The following SCN11A variants were observed in gnomAD, a reference collection of about 807,000 sequenced individuals.
SCN11A encodes sodium voltage-gated channel alpha subunit 11, also known as sodium channel protein type 11 subunit alpha.
Under a neutral mutation model 162.2 loss-of-function variants are expected in SCN11A, and 122 were observed. That is an observed-to-expected ratio of 0.75 (90% confidence interval 0.65 to 0.87). SCN11A has a LOEUF of 0.87. SCN11A is among the 40% of genes least tolerant of loss of function. SCN11A has a pLI of 0.00. For missense variants in SCN11A, 2,015 were observed against 2,181.6 expected (o/e 0.92, Z 1.52); for synonymous variants, 758 against 751.5 (o/e 1.01, Z -0.14).
At chr3:38,932,361 C>G (rs1006688779) in intron 7 of SCN11A, among the ~76,000 whole-genome samples, 3 of 152,180 alleles carry the variant, frequency 2.0e-5, no homozygotes, top group Non-Finnish European at 2.9e-5. Flanking sequence ...GAGTGCCAGA[C>G]AGTGGATGCA....
At chr3:38,978,263 AACTT>A (rs1453187516) in intron 2 of SCN11A, among the ~76,000 whole-genome samples, 2 of 152,174 alleles carry the variant, frequency 1.3e-5, no homozygotes, top group Admixed American at 6.5e-5. Context: ...TATAACTATT[AACTT>A]ACTATTTTTA....
chr3:38,887,210 C>T (rs1299041191), intron 19 of SCN11A, among the ~76,000 whole-genome samples: 4 of 152,088 alleles, frequency 2.6e-5, no homozygotes, highest in Admixed American at 6.5e-5. Context: ...AACAAGATTA[C>T]TTCAAGAACA....
intron 2 of SCN11A, among the ~76,000 whole-genome samples, chr3:39,027,757 T>C (rs2031627365): frequency 6.6e-6 from 1 of 152,224 alleles, no homozygotes; most frequent in Non-Finnish European, 1.5e-5. Context: ...CCTTAGCTGG[T>C]GGCTTCTCTG....
At chr3:38,916,996 T>C (rs1007174937) in intron 11 of SCN11A, among the ~76,000 whole-genome samples, 1 of 152,194 alleles carries the variant, frequency 6.6e-6, no homozygotes, top group Non-Finnish European at 1.5e-5. Flanking sequence ...CTCTGGAGCA[T>C]TCATATTGTA....
chr3:38,906,109 G>A (rs1399374266), intron 14 of SCN11A, among the ~76,000 whole-genome samples: 1 of 152,082 alleles, frequency 6.6e-6, no homozygotes, highest in Non-Finnish European at 1.5e-5. Flanking sequence ...AGCAGTGGAT[G>A]GGATCCTTCT....
chr3:39,046,753 C>T (rs73064293), intron 1 of SCN11A, among the ~76,000 whole-genome samples: 15,789 of 152,156 alleles, frequency 0.1, 1,038 homozygotes, highest in East Asian at 0.22. Context: ...CAGGGTCTTG[C>T]TCTGTCACCC....
intron 11 of SCN11A, among the ~76,000 whole-genome samples, chr3:38,913,456 T>G (rs1464670439): frequency 6.6e-6 from 1 of 152,048 alleles, no homozygotes; most frequent in African/African-American, 2.4e-5. Context: ...AGTTTTTTGG[T>G]TTTTGTTTGT....
chr3:38,874,467 G>A (rs781719112), intron 23 of SCN11A, among the ~76,000 whole-genome samples: 3 of 152,070 alleles, frequency 2.0e-5, no homozygotes, highest in Non-Finnish European at 2.9e-5. Context: ...GCATGGTGGT[G>A]GGCGCCTGTA....
At chr3:38,940,711 T>G (rs948587929) in intron 7 of SCN11A, among the ~76,000 whole-genome samples, 1 of 152,116 alleles carries the variant, frequency 6.6e-6, no homozygotes, top group Non-Finnish European at 1.5e-5. Context: ...ATAAAAGCAC[T>G]GTAAGAAAAT....
At position 38,894,569 on chromosome 3, in the gene SCN11A, A is replaced by G. The variant is rs1452844123; in HGVS notation, c.2799T>C (p.Asn933=). ...GCTCAGGTTGTGTGATGCGCTGTGC[A>G]TTATCTTCACCAGAAAATTCAACGT... is the stretch of plus-strand genomic sequence containing the variant. The part of the protein sequence containing the change: ...EDDVEFSGED[N]AQRITQPEPE... The change falls in exon 19 of 30, where the codon AAT becomes AAC. Residue 933 remains asparagine, a synonymous_variant. Transcript: ENST00000302328. The G allele has an allele frequency of 1.2e-6, 2 of 1,613,384 alleles. No homozygotes were observed. The highest frequency in any genetic ancestry group is 2.2e-5 in the East Asian group (1 of 44,884).
intron 4 of SCN11A, among the ~76,000 whole-genome samples, chr3:38,952,741 G>A (rs1259130173): frequency 1.3e-5 from 2 of 152,228 alleles, no homozygotes; most frequent in East Asian, 3.8e-4. Flanking sequence ...AGACCTGAAG[G>A]AGATGTAAGA....
intron 11 of SCN11A, among the ~76,000 whole-genome samples, chr3:38,912,369 T>C (rs1331419440): frequency 6.6e-6 from 1 of 152,122 alleles, no homozygotes; most frequent in East Asian, 1.9e-4. Flanking sequence ...CTGTAACAGT[T>C]TTCTCTCCTT....
At chr3:39,013,415 A>C (rs1191662951) in intron 2 of SCN11A, among the ~76,000 whole-genome samples, 1 of 151,872 alleles carries the variant, frequency 6.6e-6, no homozygotes, top group East Asian at 1.9e-4. Flanking sequence ...AAAAAGAGGA[A>C]GAAATTCTCT....
intron 2 of SCN11A, among the ~76,000 whole-genome samples, chr3:39,001,710 AAAACAAAC>A (rs149361919): frequency 2.3e-4 from 35 of 151,374 alleles, no homozygotes; most frequent in South Asian, 4.2e-4. Flanking sequence ...GCATTTGTTT[AAAACAAAC>A]AAACAAACAA....
chr3:38,933,817 A>G (rs2066283339), intron 7 of SCN11A, among the ~76,000 whole-genome samples: 1 of 152,378 alleles, frequency 6.6e-6, no homozygotes, highest in African/African-American at 2.4e-5. Flanking sequence ...ATTATCCAGG[A>G]GAACTTCCCC....
intron 16 of SCN11A, among the ~76,000 whole-genome samples, chr3:38,902,861 TAA>T (rs2065725309): frequency 7.2e-6 from 1 of 138,158 alleles, no homozygotes; most frequent in South Asian, 2.3e-4. Context: ...TAAAGACATG[TAA>T]AAAGACATCA....
chr3:39,014,081 C>T (rs1369048632), intron 2 of SCN11A, among the ~76,000 whole-genome samples: 1 of 152,244 alleles, frequency 6.6e-6, no homozygotes, highest in Non-Finnish European at 1.5e-5. Flanking sequence ...GAATTGTTTA[C>T]ACAGTGAGGT....
intron 28 of SCN11A, among the ~76,000 whole-genome samples, chr3:38,858,093 T>C (rs1233342069): frequency 6.6e-6 from 1 of 152,050 alleles, no homozygotes; most frequent in East Asian, 1.9e-4. Context: ...ACGGGGCCTA[T>C]AAAACAACAA....
At chr3:39,038,408 C>T (rs17038359) in intron 1 of SCN11A, among the ~76,000 whole-genome samples, 15,797 of 152,210 alleles carry the variant, frequency 0.1, 1,045 homozygotes, top group East Asian at 0.22. Context: ...GAATTCCACA[C>T]ACATAGAAAG....
Sources: allele counts gnomAD v4.1 joint callset (sites outside exome capture counted in the v4.1 genomes callset), GRCh38; gene constraint gnomAD v4.1.1; transcripts MANE v1.5; gene names NCBI Gene and HGNC (gene_info 2026-07-23, HGNC 2026-07-21).